Variants in DPP10 observed in about 807,000 individuals in gnomAD.
The protein encoded by DPP10 is dipeptidyl peptidase like 10.
Under a neutral mutation model 120.9 loss-of-function variants are expected in DPP10, and 33 were observed. The observed-to-expected ratio is 0.27, with a 90% confidence interval of 0.21 to 0.37. The LOEUF (loss-of-function observed/expected upper bound fraction) is 0.37, where lower values mean the gene tolerates loss of function less well. Among genes scored for constraint, DPP10 ranks in the 10% least tolerant of loss-of-function variants. The pLI is 1.00. For synonymous variants in DPP10, 337 were observed against 326.1 expected, an observed-to-expected ratio of 1.03 and a Z score of -0.36; for missense variants, 816 against 942.8, an observed-to-expected ratio of 0.87 and a Z score of 1.76.
intron 1 of DPP10, among the ~76,000 whole-genome samples, chr2:115,255,368 C>A (rs780298802): frequency 5.9e-5 from 9 of 152,122 alleles, no homozygotes; most frequent in Non-Finnish European, 1.3e-4. Context: ...TGGCCCAGGC[C>A]CACAAAACCA....
intron 1 of DPP10, among the ~76,000 whole-genome samples, chr2:115,159,224 CG>C (rs1284474184): frequency 1.3e-5 from 2 of 151,876 alleles, no homozygotes; most frequent in South Asian, 2.1e-4. Flanking sequence ...TCTGGGAGGC[CG>C]GGGTGGGCGG....
intron 1 of DPP10, among the ~76,000 whole-genome samples, chr2:115,142,441 T>G (rs945982366): frequency 1.3e-5 from 2 of 152,094 alleles, no homozygotes; most frequent in Admixed American, 6.5e-5. Context: ...ACCCAGGAGA[T>G]CAGCCCCAGG....
Position 114,646,183 on chromosome 2 carries a change from T to TAAATAAAC in DPP10, c.60+203352_60+203353insCAAATAAA, listed in dbSNP as rs1175320728. Among the ~76,000 whole-genome samples the TAAATAAAC allele has an allele frequency of 8.0e-5, 12 of 150,380 alleles. 1 individual carries two copies. Among genetic ancestry groups the TAAATAAAC allele is most frequent in the African/African-American group, 2.9e-4 (12 of 40,696 alleles). On this transcript the variant is annotated intron_variant, in intron 1 of 25. Transcript: ENST00000410059. ...TCAAATAAATAAATAAATAAATAAA[T>TAAATAAAC]AAATAAATAAATAAAAAGGGGGAGA...
chr2:115,768,390 A>T lies in DPP10; in HGVS notation c.1207A>T (p.Met403Leu). The change falls in exon 13 of 26, where the codon ATG (methionine) becomes TTG (leucine). Residue 403 changes from methionine to leucine, a missense_variant. Physicochemically the swap from Met to Leu is conservative, Grantham distance 15. Transcript: ENST00000410059. ...GGRGEFHHVA[M>L]FLIQSKSEQI... is the part of the protein sequence containing the mutation. Reference sequence around the variant, plus strand: ...ACGTGGAGAATTTCACCACGTAGCTATGTTCCTCATCCAGGTAAGTGCTGG... The same window carrying T: ...ACGTGGAGAATTTCACCACGTAGCTTTGTTCCTCATCCAGGTAAGTGCTGG... 1 of 1,612,966 alleles carries T rather than the reference A, an allele frequency of 6.2e-7. No individual in the cohort carries two copies. The highest frequency in any genetic ancestry group is 1.1e-5 in the South Asian group (1 of 90,992).
chr2:114,905,886 G>A (rs1693921704), intron 1 of DPP10, among the ~76,000 whole-genome samples: 1 of 152,052 alleles, frequency 6.6e-6, no homozygotes, highest in Non-Finnish European at 1.5e-5. Flanking sequence ...TGTATTGATA[G>A]TTACATCCTG....
intron 1 of DPP10, among the ~76,000 whole-genome samples, chr2:115,136,289 T>C (rs1036053936): frequency 3.9e-5 from 6 of 152,142 alleles, no homozygotes; most frequent in Non-Finnish European, 8.8e-5. Context: ...GAAAATGTGT[T>C]TAGGTCTATG....
At chr2:115,179,200 A>G (rs762062342) in intron 1 of DPP10, among the ~76,000 whole-genome samples, 21 of 152,206 alleles carry the variant, frequency 1.4e-4, no homozygotes, top group Non-Finnish European at 2.8e-4. Context: ...TAAGATATTC[A>G]TGTTAAGGAA....
chr2:114,466,347 T>G (rs1205327723), intron 1 of DPP10, among the ~76,000 whole-genome samples: 1 of 152,236 alleles, frequency 6.6e-6, no homozygotes, highest in Admixed American at 6.5e-5. Flanking sequence ...CATAGTTGTG[T>G]GTATATATAG....
intron 1 of DPP10, among the ~76,000 whole-genome samples, chr2:114,825,551 C>G (rs776713666): frequency 1.3e-5 from 2 of 152,164 alleles, no homozygotes; most frequent in African/African-American, 2.4e-5. Flanking sequence ...TCTTGCTTCT[C>G]TCCCGAAGAA....
intron 1 of DPP10, among the ~76,000 whole-genome samples, chr2:114,700,057 G>A (rs1048284913): frequency 3.3e-5 from 5 of 151,988 alleles, no homozygotes; most frequent in East Asian, 1.9e-4. Flanking sequence ...ATTCATTTTC[G>A]TGTCTTTGTC....
rs1052866514 is a variant in DPP10 at position 114,639,076 on chromosome 2, AG to A, written c.60+196239del. ...CGTGTTCTCACTTATAGTGTATATTAGTCTGTTCTCACACTGCTAATAAAGA... is the reference window on the plus strand; with the variant it reads ...CGTGTTCTCACTTATAGTGTATATTATCTGTTCTCACACTGCTAATAAAGA... On this transcript the variant is annotated intron_variant, in intron 1 of 25. Transcript: ENST00000410059. Among the ~76,000 whole-genome samples the A allele has an allele frequency of 3.4e-4, 51 of 151,920 alleles. 3 individuals are homozygous for A. Among genetic ancestry groups the A allele is most frequent in the African/African-American group, 1.2e-3 (51 of 41,186 alleles).
intron 1 of DPP10, among the ~76,000 whole-genome samples, chr2:114,730,893 CT>C (rs538525964): frequency 1.6e-4 from 24 of 147,718 alleles, no homozygotes; most frequent in African/African-American, 4.7e-4. Context: ...CCTGGTCCAG[CT>C]TTTTTTTTTC....
chr2:115,691,047 A>G (rs1182884560), intron 7 of DPP10, among the ~76,000 whole-genome samples: 2 of 152,132 alleles, frequency 1.3e-5, no homozygotes, highest in Non-Finnish European at 1.5e-5. Flanking sequence ...TCATATGGTT[A>G]CTGGCAATTT....
chr2:114,690,958 A>T (rs921664092), intron 1 of DPP10, among the ~76,000 whole-genome samples: 11 of 152,060 alleles, frequency 7.2e-5, no homozygotes, highest in Admixed American at 6.6e-4. Flanking sequence ...CAGTTTAAGA[A>T]ACTTTTGGGC....
chr2:115,262,295 T>C (rs1216410521), intron 1 of DPP10, among the ~76,000 whole-genome samples: 1 of 152,066 alleles, frequency 6.6e-6, no homozygotes, highest in Non-Finnish European at 1.5e-5. Flanking sequence ...GTAGCTCCCA[T>C]TTTTTAAAGA....
intron 1 of DPP10, among the ~76,000 whole-genome samples, chr2:115,219,269 C>T (rs2057006793): frequency 6.6e-6 from 1 of 152,124 alleles, no homozygotes; most frequent in East Asian, 1.9e-4. Flanking sequence ...GACCAAAATT[C>T]TCGAAAATGA....
intron 1 of DPP10, among the ~76,000 whole-genome samples, chr2:114,990,151 G>C (rs1274332442): frequency 6.6e-6 from 1 of 152,036 alleles, no homozygotes; most frequent in East Asian, 1.9e-4. Context: ...TAATGGTTTT[G>C]CACGATTTAA....
At chr2:115,810,341 C>A (rs1425430022) in intron 19 of DPP10, among the ~76,000 whole-genome samples, 2 of 152,066 alleles carry the variant, frequency 1.3e-5, no homozygotes, top group East Asian at 3.8e-4. Flanking sequence ...ATAAATTCAA[C>A]CCTCTTTTTA....
chr2:115,537,004 A>G (rs537804821), intron 5 of DPP10, among the ~76,000 whole-genome samples: 1 of 152,066 alleles, frequency 6.6e-6, no homozygotes, highest in Non-Finnish European at 1.5e-5. Flanking sequence ...AACTGTTACT[A>G]CACAAGACAG....
Sources: allele counts gnomAD v4.1 joint callset (sites outside exome capture counted in the v4.1 genomes callset), GRCh38; gene constraint gnomAD v4.1.1; transcripts MANE v1.5; gene names NCBI Gene and HGNC (gene_info 2026-07-23, HGNC 2026-07-21).